UIMC1: variants seen among roughly 807,000 people sequenced by gnomAD.
UIMC1 encodes the protein BRCA1-A complex subunit RAP80.
Under a neutral mutation model 84.9 loss-of-function variants are expected in UIMC1, and 42 were observed. The ratio of observed to expected loss-of-function variants is 0.49; its 90% confidence interval spans 0.39 to 0.64. UIMC1 has a LOEUF of 0.64. Ranked by LOEUF, UIMC1 falls within the 30% of genes least tolerant of loss-of-function variation. The pLI is 0.00. For missense variants in UIMC1, 825 were observed against 847.6 expected (o/e 0.97, Z 0.33); for synonymous variants, 281 against 293.0 (o/e 0.96, Z 0.42).
At chr5:176,920,410 C>A (rs777529462) in intron 10 of UIMC1, among the ~76,000 whole-genome samples, 1 of 152,148 alleles carries the variant, frequency 6.6e-6, no homozygotes, top group Non-Finnish European at 1.5e-5. Context: ...GTATTCTAAA[C>A]CATGAACAGG....
chr5:176,969,704 A>C lies in UIMC1; in HGVS notation c.360T>G (p.Ser120Arg). Residue 120 changes from serine to arginine, a missense_variant and splice_region_variant, in exon 5 of 15, where the codon AGT becomes AGG. Coordinates refer to ENST00000511320, the MANE Select transcript of UIMC1 (RefSeq NM_001199298.2). ...LRKAIAESLNSCRPSDASATR... is the reference protein window; with the variant it reads ...LRKAIAESLNRCRPSDASATR... ...TAGCGGAAGCATCAGAAGGCCGGCAACTCTGAAACAAGTGATCCCATACCA... is the reference window on the plus strand; with the variant it reads ...TAGCGGAAGCATCAGAAGGCCGGCACCTCTGAAACAAGTGATCCCATACCA... 1 of 1,613,956 alleles carries C rather than the reference A, an allele frequency of 6.2e-7. No homozygotes were observed. Among genetic ancestry groups the C allele is most frequent in the Non-Finnish European group, 8.5e-7 (1 of 1,179,902 alleles).
intron 1 of UIMC1, among the ~76,000 whole-genome samples, chr5:177,005,577 G>T (rs553142610): frequency 6.6e-6 from 1 of 151,574 alleles, no homozygotes; most frequent in South Asian, 2.1e-4. Context: ...TGCGTCGTAG[G>T]TATTCATATC....
intron 10 of UIMC1, among the ~76,000 whole-genome samples, chr5:176,920,924 G>A (rs529748186): frequency 2.6e-5 from 4 of 152,114 alleles, no homozygotes; most frequent in East Asian, 1.9e-4. Context: ...TTTCATAGAC[G>A]CCCTCTATCA....
intron 10 of UIMC1, among the ~76,000 whole-genome samples, chr5:176,915,626 T>C (rs1760872580): frequency 6.6e-6 from 1 of 151,514 alleles, no homozygotes; most frequent in East Asian, 1.9e-4. Context: ...TGGCTAATTT[T>C]TGTATTTTTA....
chr5:176,921,734 C>A (rs1761727191), intron 10 of UIMC1, among the ~76,000 whole-genome samples: 1 of 152,192 alleles, frequency 6.6e-6, no homozygotes, highest in South Asian at 2.1e-4. Context: ...AATAATGCAA[C>A]AGCCACTCCC....
At chr5:176,925,251 C>T (rs935475912) in intron 10 of UIMC1, among the ~76,000 whole-genome samples, 1 of 151,974 alleles carries the variant, frequency 6.6e-6, no homozygotes, top group Non-Finnish European at 1.5e-5. Context: ...AAAAAAAGTG[C>T]TCAACATCAT....
chr5:176,905,628 T>C (rs1008737690), intron 14 of UIMC1, 136 bp from the exon 15 acceptor site: 5 of 820,474 alleles, frequency 6.1e-6, no homozygotes, highest in Admixed American at 5.8e-5. Context: ...CCACCACATA[T>C]CATCACTCTG....
At chr5:177,014,134 C>T (rs564968228) in intron 1 of UIMC1, among the ~76,000 whole-genome samples, 76 of 147,312 alleles carry the variant, frequency 5.2e-4, no homozygotes, top group African/African-American at 1.8e-3. Flanking sequence ...CTCACTGCAA[C>T]CTCCACCTCC....
chr5:176,962,021 G>C (rs1291882763), intron 6 of UIMC1, among the ~76,000 whole-genome samples: 1 of 51,150 alleles, frequency 2.0e-5, no homozygotes, highest in Non-Finnish European at 3.8e-5. Flanking sequence ...CCGGCCAGCC[G>C]CCCCGTCCGG....
intron 10 of UIMC1, among the ~76,000 whole-genome samples, chr5:176,915,403 A>G (rs1760839728): frequency 6.6e-6 from 1 of 151,946 alleles, no homozygotes; most frequent in African/African-American, 2.4e-5. Flanking sequence ...AAACATCTTT[A>G]TCTTTACAAC....
intron 9 of UIMC1, among the ~76,000 whole-genome samples, chr5:176,944,586 T>C (rs1200514887): frequency 6.6e-6 from 1 of 152,174 alleles, no homozygotes. Flanking sequence ...CCTTACTACA[T>C]GAGGAAAACA....
chr5:177,014,969 A>C (rs1203543459), intron 1 of UIMC1, among the ~76,000 whole-genome samples: 1 of 152,184 alleles, frequency 6.6e-6, no homozygotes, highest in Non-Finnish European at 1.5e-5. Context: ...ACGGTGGCTC[A>C]TGCCTGTAAT....
rs779015705 is a variant in UIMC1 at position 176,907,124 on chromosome 5, G to C, written c.1902C>G (p.His634Gln). Residue 634 changes from histidine (H) to glutamine (Q), a missense_variant, in exon 13 of 15, where the codon CAC becomes CAG. Transcript: ENST00000511320. Reference protein sequence around the residue: ...RLLSFLEQSEHKTSDADIKSS... With the variant: ...RLLSFLEQSEQKTSDADIKSS... ...TCCTGGGGTCCTCACCTGAAGTCTT[G>C]TGCTCAGACTGTTCCAAGAAACTAA... is the stretch of plus-strand genomic sequence containing the variant. 1.2e-6 allele frequency: 2 copies of C among 1,613,886 alleles called. No homozygotes were observed. The highest frequency in any genetic ancestry group is 1.1e-5 in the South Asian group (1 of 91,016).
intron 1 of UIMC1, among the ~76,000 whole-genome samples, chr5:176,991,176 T>G (rs1772789540): frequency 6.6e-6 from 1 of 151,356 alleles, no homozygotes; most frequent in African/African-American, 2.4e-5. Flanking sequence ...CCCGGCTAAT[T>G]TTTTTTGCAT....
At chr5:176,952,860 T>TA (rs970835121) in intron 8 of UIMC1, among the ~76,000 whole-genome samples, 30 of 151,356 alleles carry the variant, frequency 2.0e-4, no homozygotes, top group Admixed American at 6.6e-4. Context: ...ATAACAACAA[T>TA]AAAAAAAATA....
chr5:176,992,477 G>A (rs1344804229), intron 1 of UIMC1, among the ~76,000 whole-genome samples: 2 of 147,030 alleles, frequency 1.4e-5, no homozygotes, highest in Non-Finnish European at 1.5e-5. Context: ...AAAAAAAAAA[G>A]GTGACTAAGT....
chr5:176,971,067 G>C (rs1379340090), intron 3 of UIMC1, among the ~76,000 whole-genome samples: 1 of 152,218 alleles, frequency 6.6e-6, no homozygotes, highest in Non-Finnish European at 1.5e-5. Context: ...CAAGAATCTT[G>C]GGTTAACTAG....
At chr5:176,911,108 GAGAGAAGAAAAGAAAAGAAAAGAA>G (rs1760101700) in intron 11 of UIMC1, among the ~76,000 whole-genome samples, 179 bp downstream of exon 11, 2 of 111,326 alleles carry the variant, frequency 1.8e-5, no homozygotes, top group African/African-American at 6.7e-5. Flanking sequence ...AAAAGAGAGA[GAGAGAAGAAAAGAAAAGAAAAGAA>G]AAGAAAAGAA....
chr5:176,976,875 T>C (rs373001928), intron 2 of UIMC1, among the ~76,000 whole-genome samples: 3 of 152,154 alleles, frequency 2.0e-5, no homozygotes, highest in East Asian at 1.9e-4. Context: ...TGGCACAGTA[T>C]AGTGTGGGGT....
Sources: gnomAD v4.1 joint callset for allele counts (sites outside exome capture counted in the v4.1 genomes callset) on GRCh38, gnomAD v4.1.1 for gene constraint, MANE v1.5 for transcripts, NCBI Gene and HGNC (gene_info 2026-07-23, HGNC 2026-07-21) for gene names.